Variants in PTPRG observed in about 807,000 individuals in gnomAD.
PTPRG encodes protein tyrosine phosphatase receptor type G.
PTPRG carries 102 observed loss-of-function variants against 165.3 expected under a neutral mutation model. The ratio of observed to expected loss-of-function variants is 0.62; its 90% CI spans 0.53 to 0.73. The LOEUF (loss-of-function observed/expected upper bound fraction) is 0.73, where lower values mean the gene tolerates loss of function less well. Ranked by LOEUF, PTPRG falls within the 30% of genes least tolerant of loss-of-function variation. PTPRG has a pLI of 0.00. For missense variants in PTPRG, 1,866 were observed against 1,861.4 expected (o/e 1.00, Z -0.05); for synonymous variants, 675 against 669.5 (o/e 1.01, Z -0.13).
At chr3:61,780,061 C>A (rs1366930859) in intron 2 of PTPRG, among the ~76,000 whole-genome samples, 1 of 152,204 alleles carries the variant, frequency 6.6e-6, no homozygotes, top group Admixed American at 6.5e-5. Context: ...AGACACACTA[C>A]CTTAAGAAAA....
At chr3:61,894,321 AAAAAAAAAAAAAAG>A (rs2038294920) in intron 2 of PTPRG, among the ~76,000 whole-genome samples, 1 of 149,972 alleles carries the variant, frequency 6.7e-6, no homozygotes, top group South Asian at 2.1e-4. Context: ...AAAAAAAAAA[AAAAAAAAAAAAAAG>A]GTCAGCTTTT....
chr3:62,015,388 C>T (rs911783397), intron 4 of PTPRG, among the ~76,000 whole-genome samples: 1 of 152,150 alleles, frequency 6.6e-6, no homozygotes, highest in African/African-American at 2.4e-5. Context: ...TCTTGGAGAC[C>T]ATGGGAAGCT....
In PTPRG at chr3:61,585,433, G is replaced by A. The variant is rs115269668; in HGVS notation, c.85+23061G>A. ...ATTTGGTACTATAGCCATTGGGTGG[G>A]TTGTTGATTCATTCTAAAAAACAAT... On this transcript the variant is annotated intron_variant, in intron 1 of 29. Coordinates refer to ENST00000474889, the MANE Select transcript of PTPRG (RefSeq NM_002841.4). Among the ~76,000 whole-genome samples, 1,266 of 152,132 alleles carry A rather than the reference G, an allele frequency of 8.3e-3. 17 individuals carry two copies. Among genetic ancestry groups the A allele is most frequent in the African/African-American group, 0.029 (1,207 of 41,494 alleles).
At chr3:61,890,296 TC>T (rs2038173170) in intron 2 of PTPRG, among the ~76,000 whole-genome samples, 1 of 152,200 alleles carries the variant, frequency 6.6e-6, no homozygotes, top group Non-Finnish European at 1.5e-5. Context: ...ATTCTTTGGT[TC>T]TCCTTTTCTG....
chr3:62,186,359 A>AAGGGTACC (rs1705886256), intron 8 of PTPRG, among the ~76,000 whole-genome samples: 1 of 151,986 alleles, frequency 6.6e-6, no homozygotes, highest in Non-Finnish European at 1.5e-5. Flanking sequence ...AGCCCCTGCC[A>AAGGGTACC]AGGGTACCAG....
At chr3:62,209,837 G>C (rs372631781) in intron 12 of PTPRG, among the ~76,000 whole-genome samples, 15 of 152,148 alleles carry the variant, frequency 9.9e-5, no homozygotes, top group African/African-American at 3.6e-4. Context: ...TGGAAAACCA[G>C]ACCCCACTAA....
intron 1 of PTPRG, among the ~76,000 whole-genome samples, chr3:61,636,262 AATG>A (rs1701905709): frequency 1.3e-5 from 2 of 152,194 alleles, no homozygotes; most frequent in Non-Finnish European, 2.9e-5. Flanking sequence ...AGAGTTGTAT[AATG>A]ATCTTATTTT....
At chr3:61,705,460 G>T (rs561026484) in intron 1 of PTPRG, among the ~76,000 whole-genome samples, 2 of 152,228 alleles carry the variant, frequency 1.3e-5, no homozygotes, top group South Asian at 4.2e-4. Flanking sequence ...CTGGAGGCCT[G>T]CTGTAAAGTA....
intron 2 of PTPRG, among the ~76,000 whole-genome samples, chr3:61,914,779 T>C (rs549271818): frequency 3.3e-5 from 5 of 152,300 alleles, no homozygotes; most frequent in Admixed American, 2.0e-4. Context: ...TTAGGAAAGA[T>C]ACACACAAAA....
intron 5 of PTPRG, among the ~76,000 whole-genome samples, chr3:62,101,165 C>T (rs1702278150): frequency 6.6e-6 from 1 of 152,156 alleles, no homozygotes; most frequent in Non-Finnish European, 1.5e-5. Context: ...CGTAGGAGTT[C>T]ATTACACTTA....
At chr3:61,806,022 T>C (rs1366311589) in intron 2 of PTPRG, among the ~76,000 whole-genome samples, 2 of 152,158 alleles carry the variant, frequency 1.3e-5, no homozygotes. Context: ...TTTTAGTATA[T>C]GGTGACCTAA....
chr3:62,114,539 C>T (rs1208821024), intron 5 of PTPRG, among the ~76,000 whole-genome samples: 1 of 152,064 alleles, frequency 6.6e-6, no homozygotes, highest in Admixed American at 6.5e-5. Flanking sequence ...CATGTAGTAG[C>T]CAAAGTACTT....
intron 2 of PTPRG, among the ~76,000 whole-genome samples, chr3:61,863,158 G>C: frequency 6.6e-6 from 1 of 152,148 alleles, no homozygotes; most frequent in East Asian, 1.9e-4. Context: ...TGTCTCTCTG[G>C]GCTGCCAGTG....
intron 2 of PTPRG, among the ~76,000 whole-genome samples, chr3:61,867,434 CTT>C (rs570179742): frequency 1.9e-3 from 291 of 152,258 alleles, no homozygotes; most frequent in African/African-American, 6.6e-3. Flanking sequence ...CAAGGCGAGT[CTT>C]TTCCCCTCTC....
intron 2 of PTPRG, among the ~76,000 whole-genome samples, chr3:61,807,926 T>G (rs900103057): frequency 6.6e-6 from 1 of 152,178 alleles, no homozygotes. Context: ...CTCTGACATA[T>G]GGTTCAACAA....
chr3:61,712,196 T>A (rs2031597084), intron 1 of PTPRG, among the ~76,000 whole-genome samples: 1 of 152,094 alleles, frequency 6.6e-6, no homozygotes, highest in African/African-American at 2.4e-5. Context: ...GCCCGGCCTG[T>A]TATTATAGTC....
intron 1 of PTPRG, among the ~76,000 whole-genome samples, chr3:61,686,733 C>G (rs967799003): frequency 6.6e-6 from 1 of 152,164 alleles, no homozygotes; most frequent in Admixed American, 6.5e-5. Context: ...AAGCATTGCC[C>G]TATGAACAGA....
In PTPRG at chr3:62,104,958, A is replaced by G. The variant is rs71296755; in HGVS notation, c.615+26700A>G. ...TGCTTATATCTAGGTAATAGGATAC[A>G]TTTTTATTTTTAGTTTGCCTATTCA... On this transcript the variant is annotated intron_variant, in intron 5 of 29. Coordinates refer to ENST00000474889, the MANE Select transcript of PTPRG (RefSeq NM_002841.4). 6.9e-3 allele frequency among the ~76,000 whole-genome samples: 1,044 copies of G among 152,278 alleles called. 5 individuals carry two copies. The highest frequency in any genetic ancestry group is 0.011 in the Non-Finnish European group (744 of 68,022).
chr3:62,031,719 G>T (rs1040842408), intron 4 of PTPRG, among the ~76,000 whole-genome samples: 2 of 152,098 alleles, frequency 1.3e-5, no homozygotes, highest in Non-Finnish European at 2.9e-5. Context: ...GCAGGGGCTG[G>T]GTTAAGAAGT....
Sources: gnomAD v4.1 joint callset for allele counts (sites outside exome capture counted in the v4.1 genomes callset) on GRCh38, gnomAD v4.1.1 for gene constraint, MANE v1.5 for transcripts, NCBI Gene and HGNC (gene_info 2026-07-23, HGNC 2026-07-21) for gene names.